Variants in PCDHGA1 observed in about 807,000 individuals in gnomAD.
The protein encoded by PCDHGA1 is protocadherin gamma-A1.
In PCDHGA1, 32 loss-of-function variants were observed where a neutral mutation model predicts 58.0. The ratio of observed to expected loss-of-function variants is 0.55; its 90% CI spans 0.42 to 0.74. PCDHGA1 has a LOEUF of 0.74. Ranked by LOEUF, PCDHGA1 falls within the 30% of genes least tolerant of loss-of-function variation. The probability of loss-of-function intolerance (pLI) is 0.00; values close to 1 mark genes in which losing one functional copy is unlikely to be tolerated. For synonymous variants in PCDHGA1, 498 were observed against 501.1 expected, an observed-to-expected ratio of 0.99 and a Z score of 0.08; for missense variants, 1,205 against 1,182.3, an observed-to-expected ratio of 1.02 and a Z score of -0.28.
At chr5:141,386,116 T>G (rs376387323) in intron 1 of PCDHGA1, 1 of 152,146 alleles carries the variant, frequency 6.6e-6, no homozygotes, top group Admixed American at 6.6e-5. Context: ...GCTATCAAAG[T>G]GGGAGATTGG....
At chr5:141,355,086 G>A (rs1759710362) in intron 1 of PCDHGA1, 1 of 1,449,620 alleles carries the variant, frequency 6.9e-7, no homozygotes, top group Non-Finnish European at 9.2e-7. Context: ...TCAAGCGGAA[G>A]CCCTGAGAGC....
intron 1 of PCDHGA1, chr5:141,484,969 G>A: frequency 3.4e-6 from 2 of 584,588 alleles, no homozygotes; most frequent in Admixed American, 3.2e-5. Flanking sequence ...CCCGGGAGCC[G>A]CTGTCTGCCA....
At chr5:141,408,990 A>T (rs1554103244) in intron 1 of PCDHGA1, 1 of 1,613,984 alleles carries the variant, frequency 6.2e-7, no homozygotes, top group South Asian at 1.1e-5. Flanking sequence ...CCTGTGTTGC[A>T]AGTGACAGCC....
At chr5:141,427,082 C>T (rs1335319344) in intron 1 of PCDHGA1, 1 of 458,118 alleles carries the variant, frequency 2.2e-6, no homozygotes, top group Admixed American at 2.3e-5. Flanking sequence ...CAGCCACTGA[C>T]CAGGATGAGG....
chr5:141,350,689 C>T (rs772075731), intron 1 of PCDHGA1: 1 of 1,613,978 alleles, frequency 6.2e-7, no homozygotes, highest in South Asian at 1.1e-5. Flanking sequence ...GTGAGTCAGC[C>T]TTACCCGGGG....
chr5:141,355,810 G>A (rs756091940), intron 1 of PCDHGA1: 2 of 1,613,274 alleles, frequency 1.2e-6, no homozygotes, highest in East Asian at 2.2e-5. Flanking sequence ...AGATCGCGAG[G>A]AAGAGGCGGT....
intron 1 of PCDHGA1, among the ~76,000 whole-genome samples, chr5:141,462,736 T>C (rs2099045667): frequency 6.6e-6 from 1 of 152,274 alleles, no homozygotes; most frequent in South Asian, 2.1e-4. Flanking sequence ...TTGTCACCTC[T>C]GTAATTCCTA....
chr5:141,392,877 A>T, intron 1 of PCDHGA1: 1 of 1,613,506 alleles, frequency 6.2e-7, no homozygotes, highest in Non-Finnish European at 8.5e-7. Flanking sequence ...GCTGCTGGGA[A>T]CGCTGTGGGA....
intron 1 of PCDHGA1, chr5:141,390,339 C>T: frequency 6.3e-7 from 1 of 1,591,234 alleles, no homozygotes; most frequent in Non-Finnish European, 8.6e-7. Flanking sequence ...TCCATATTCA[C>T]AAGAAAATAT....
intron 1 of PCDHGA1, among the ~76,000 whole-genome samples, chr5:141,407,824 G>C (rs2094986699): frequency 6.6e-6 from 1 of 152,190 alleles, no homozygotes; most frequent in South Asian, 2.1e-4. Context: ...TAATATTATG[G>C]TGAGAGCAAA....
chr5:141,394,837 T>G lies in PCDHGA1; in HGVS notation c.2421+61732T>G, dbSNP rs993988817. 198 of 1,613,706 alleles carry G rather than the reference T, an allele frequency of 1.2e-4. No homozygotes were observed. The highest frequency in any genetic ancestry group is 1.6e-4 in the Non-Finnish European group (187 of 1,179,960). ...AGCATCCCCGAAGTCCTGACCGAGT[T>G]GGGCAGTCTGAAGCCTTCGGTCGAC... is the stretch of plus-strand genomic sequence containing the variant. On this transcript the variant is annotated intron_variant, in intron 1 of 3. Coordinates refer to ENST00000517417, the MANE Select transcript of PCDHGA1 (RefSeq NM_018912.3).
intron 3 of PCDHGA1, among the ~76,000 whole-genome samples, chr5:141,506,038 G>C (rs2099850248): frequency 6.6e-6 from 1 of 152,174 alleles, no homozygotes; most frequent in South Asian, 2.1e-4. Context: ...GTAGGATTCT[G>C]GTTTTCCCAT....
At chr5:141,394,297 C>A (rs375160983) in intron 1 of PCDHGA1, 1 of 1,613,990 alleles carries the variant, frequency 6.2e-7, no homozygotes, top group Non-Finnish European at 8.5e-7. Context: ...ACCGAGGACA[C>A]GCTGCAGGGG....
intron 1 of PCDHGA1, chr5:141,417,116 C>A (rs1407873769): frequency 6.6e-6 from 1 of 151,954 alleles, no homozygotes; most frequent in Non-Finnish European, 1.5e-5. Context: ...ATACAGGACA[C>A]CCTGGATGAT....
chr5:141,467,296 A>G lies in PCDHGA1; in HGVS notation c.2422-27511A>G, dbSNP rs1032802325. Among the ~76,000 whole-genome samples the G allele has an allele frequency of 6.6e-5, 10 of 151,858 alleles. No individual in the cohort carries two copies. The East Asian group carries it at 9.7e-4, about 15-fold the overall frequency. On this transcript the variant is annotated intron_variant, in intron 1 of 3. Transcript: ENST00000517417. The stretch of plus-strand genomic sequence containing the variant: ...TCGAACTCTTGACCTCAAGTGATCC[A>G]CTCACCTCGGCCTCCCACAGTGCTG...
chr5:141,393,584 A>G, intron 1 of PCDHGA1: 1 of 1,613,892 alleles, frequency 6.2e-7, no homozygotes, highest in African/African-American at 1.3e-5. Context: ...ACATGCCCCC[A>G]GGCACGCGGC....
At chr5:141,424,726 T>C (rs1041673348) in intron 1 of PCDHGA1, 7 of 152,218 alleles carry the variant, frequency 4.6e-5, no homozygotes, top group African/African-American at 4.8e-5. Context: ...TTGGGAGTCA[T>C]AGATTCCTTC....
At chr5:141,351,618 A>G in intron 1 of PCDHGA1, 2 of 1,613,976 alleles carry the variant, frequency 1.2e-6, no homozygotes, top group Middle Eastern at 1.6e-4. Context: ...CAGGCCTCCT[A>G]TGTGGTCCAC....
intron 1 of PCDHGA1, among the ~76,000 whole-genome samples, chr5:141,400,827 C>G (rs1236536713): frequency 2.0e-5 from 3 of 152,178 alleles, no homozygotes; most frequent in Admixed American, 2.0e-4. Flanking sequence ...TTCGTTGTCT[C>G]ATTCTTTAAC....
Sources: gnomAD v4.1 joint callset for allele counts (sites outside exome capture counted in the v4.1 genomes callset) on GRCh38, gnomAD v4.1.1 for gene constraint, MANE v1.5 for transcripts, NCBI Gene and HGNC (gene_info 2026-07-23, HGNC 2026-07-21) for gene names.